Variants in ERC2 observed in about 807,000 individuals in gnomAD.
The protein encoded by ERC2 is ERC protein 2.
Under a neutral mutation model 114.8 loss-of-function variants are expected in ERC2, and 42 were observed. The ratio of observed to expected loss-of-function variants is 0.37; its 90% CI spans 0.29 to 0.47. ERC2 has a LOEUF of 0.47. Ranked by LOEUF, ERC2 falls within the 20% of genes least tolerant of loss-of-function variation. The probability of loss-of-function intolerance (pLI) is 0.99; values close to 1 mark genes in which losing one functional copy is unlikely to be tolerated. For missense variants in ERC2, 939 were observed against 1,150.7 expected, an observed-to-expected ratio of 0.82 and a Z score of 2.66; for synonymous variants, 454 against 425.5, an observed-to-expected ratio of 1.07 and a Z score of -0.82.
At chr3:55,952,164 C>T (rs1218608705) in intron 12 of ERC2, among the ~76,000 whole-genome samples, 2 of 72,734 alleles carry the variant, frequency 2.7e-5, no homozygotes, top group Admixed American at 1.7e-4. Flanking sequence ...CACACACACA[C>T]ACACACACAC....
intron 17 of ERC2, among the ~76,000 whole-genome samples, chr3:55,666,968 A>C (rs1170396816): frequency 6.6e-6 from 1 of 152,218 alleles, no homozygotes; most frequent in African/African-American, 2.4e-5. Flanking sequence ...GAATAATAGC[A>C]CATACCAATA....
At position 55,583,534 on chromosome 3, in the gene ERC2, T is replaced by C. The variant is rs1386307291; in HGVS notation, c.*40-72258A>G. 6.0e-4 allele frequency among the ~76,000 whole-genome samples: 35 copies of C among 58,598 alleles called. 2 individuals carry two copies. The highest frequency in any genetic ancestry group is 2.8e-3 in the East Asian group (6 of 2,158). The allele number at this position is 58,598 out of a possible 152,430, so 38.4% of individuals were successfully genotyped here. On this transcript the variant is annotated intron_variant, in intron 17 of 17. Transcript: ENST00000288221. ...CTCCCTCCCTCCCTCCCTTCCTTCC[T>C]TCCTTCCTTTCTTCCTTCCTTCCTT...
intron 3 of ERC2, among the ~76,000 whole-genome samples, chr3:56,199,324 G>A (rs1036499004): frequency 6.6e-6 from 1 of 152,122 alleles, no homozygotes; most frequent in Non-Finnish European, 1.5e-5. Flanking sequence ...GGTAAGCAGA[G>A]TGAACTGGAT....
intron 13 of ERC2, among the ~76,000 whole-genome samples, chr3:55,920,446 A>ACACACACACACCCCC (rs57638674): frequency 2.1e-5 from 3 of 145,442 alleles, no homozygotes; most frequent in Non-Finnish European, 3.0e-5. Context: ...ACACACACAC[A>ACACACACACACCCCC]CCCCAAGTGA....
chr3:56,031,791 C>G (rs754982935), intron 7 of ERC2, among the ~76,000 whole-genome samples: 7 of 151,888 alleles, frequency 4.6e-5, no homozygotes, highest in Admixed American at 2.0e-4. Flanking sequence ...TACACAAAAA[C>G]AAGAAAAAAC....
chr3:55,782,767 C>T (rs1034201753), intron 14 of ERC2, among the ~76,000 whole-genome samples: 5 of 152,206 alleles, frequency 3.3e-5, no homozygotes, highest in Non-Finnish European at 5.9e-5. Flanking sequence ...CCCCTCTCCC[C>T]CACATTCAGC....
Position 56,407,810 on chromosome 3 carries a change from G to A in ERC2, c.657+26541C>T, listed in dbSNP as rs78815282. ...CCCCCCTGGAACACGACAGCAGGTA[G>A]ATACACCCTAAACCTGTTTCCCTGT... On this transcript the variant is annotated intron_variant, in intron 2 of 17. Coordinates refer to ENST00000288221, the MANE Select transcript of ERC2 (RefSeq NM_015576.3). Among the ~76,000 whole-genome samples the A allele has an allele frequency of 1.7e-3, 256 of 152,250 alleles. 1 individual carries two copies. The highest frequency in any genetic ancestry group is 5.7e-3 in the African/African-American group (237 of 41,546).
chr3:56,395,929 C>T (rs1347980220), intron 2 of ERC2, among the ~76,000 whole-genome samples: 1 of 152,278 alleles, frequency 6.6e-6, no homozygotes, highest in Admixed American at 6.5e-5. Flanking sequence ...TTTACGTGAA[C>T]AGACGGTTCA....
At chr3:56,380,684 A>G (rs1019469597) in intron 2 of ERC2, among the ~76,000 whole-genome samples, 5 of 152,242 alleles carry the variant, frequency 3.3e-5, no homozygotes, top group Non-Finnish European at 5.9e-5. Context: ...ATATGTTTTT[A>G]TAAGAAAATT....
intron 2 of ERC2, among the ~76,000 whole-genome samples, chr3:56,388,353 C>A (rs181748531): frequency 1.1e-3 from 160 of 152,208 alleles, no homozygotes; most frequent in African/African-American, 3.5e-3. Context: ...GGAACTTCCT[C>A]CTCTCCCCCT....
At chr3:56,179,155 G>A (rs565715946) in intron 3 of ERC2, among the ~76,000 whole-genome samples, 10 of 152,232 alleles carry the variant, frequency 6.6e-5, no homozygotes, top group Non-Finnish European at 1.5e-4. Flanking sequence ...GTGGCATGCA[G>A]CCCATAGACC....
At chr3:55,961,861 A>AG (rs2149468734) in intron 12 of ERC2, among the ~76,000 whole-genome samples, 1 of 151,026 alleles carries the variant, frequency 6.6e-6, no homozygotes, top group Non-Finnish European at 1.5e-5. Flanking sequence ...GTCAAAAAAA[A>AG]AAAAAAAGCC....
Position 56,149,138 on chromosome 3 carries a change from G to T in ERC2, c.1150-6C>A. On this transcript the variant is annotated splice_region_variant and splice_polypyrimidine_tract_variant and intron_variant, in intron 4 of 17. Transcript: ENST00000288221. ...AATGAAGCGATTTTTGTGTCCTGTTGGTAAAGAAGAAAAGAAAAAGAAAAA... is the reference window on the plus strand; with the variant it reads ...AATGAAGCGATTTTTGTGTCCTGTTTGTAAAGAAGAAAAGAAAAAGAAAAA... 6.3e-7 allele frequency: 1 copy of T among 1,577,966 alleles called. No individual in the cohort carries two copies. Among genetic ancestry groups the T allele is most frequent in the South Asian group, 1.2e-5 (1 of 83,346 alleles).
chr3:56,200,349 A>G (rs983818976), intron 3 of ERC2, among the ~76,000 whole-genome samples: 28 of 21,546 alleles, frequency 1.3e-3, no homozygotes, highest in South Asian at 3.3e-3. Context: ...TACTCAGGGG[A>G]AAAAAAAAAA....
At chr3:56,306,591 G>A (rs1003066697) in intron 2 of ERC2, among the ~76,000 whole-genome samples, 4 of 152,234 alleles carry the variant, frequency 2.6e-5, no homozygotes, top group African/African-American at 4.8e-5. Flanking sequence ...GCACTCATGT[G>A]TAACATCAAC....
intron 14 of ERC2, among the ~76,000 whole-genome samples, chr3:55,805,172 C>A (rs1211576564): frequency 2.0e-5 from 3 of 151,994 alleles, no homozygotes; most frequent in Non-Finnish European, 4.4e-5. Flanking sequence ...TTAATTCTCA[C>A]AACAGGCACC....
chr3:55,794,960 T>A (rs1448577936), intron 14 of ERC2, among the ~76,000 whole-genome samples: 1 of 152,190 alleles, frequency 6.6e-6, no homozygotes, highest in Admixed American at 6.5e-5. Flanking sequence ...TTTTCTTTTT[T>A]CTTAGGTAAT....
chr3:55,992,277 T>C (rs2071133650), intron 10 of ERC2, 27 bp from the exon 11 acceptor site: 1 of 1,590,328 alleles, frequency 6.3e-7, no homozygotes, highest in Non-Finnish European at 8.6e-7. Flanking sequence ...TTAAAGAATG[T>C]AGTTAAGACA....
chr3:56,417,225 TC>T (rs1286836105), intron 2 of ERC2, among the ~76,000 whole-genome samples: 1 of 152,216 alleles, frequency 6.6e-6, no homozygotes. Context: ...GTCTGCCTTT[TC>T]TGAGGATTCA....
Sources: gnomAD v4.1 joint callset for allele counts (sites outside exome capture counted in the v4.1 genomes callset) on GRCh38, gnomAD v4.1.1 for gene constraint, MANE v1.5 for transcripts, NCBI Gene and HGNC (gene_info 2026-07-23, HGNC 2026-07-21) for gene names.